The following OR3A2 variants were observed in gnomAD, a reference collection of about 807,000 sequenced individuals.
The protein encoded by OR3A2 is olfactory receptor family 3 subfamily A member 2, also known as olfactory receptor 3A2.
For missense variants in OR3A2, 318 were observed against 392.8 expected, an observed-to-expected ratio of 0.81 and a Z score of 1.61; for synonymous variants, 126 against 159.3, an observed-to-expected ratio of 0.79 and a Z score of 1.57.
At chr17:3,322,981 C>G (rs2049138178) in intron 3 of OR3A2, among the ~76,000 whole-genome samples, 1 of 152,066 alleles carries the variant, frequency 6.6e-6, no homozygotes, top group Non-Finnish European at 1.5e-5. Context: ...GTTAAAGTCT[C>G]CCATTATTAT....
At chr17:3,349,040 A>T (rs981022559) in intron 2 of OR3A2, among the ~76,000 whole-genome samples, 2 of 152,178 alleles carry the variant, frequency 1.3e-5, no homozygotes, top group Non-Finnish European at 1.5e-5. Flanking sequence ...AGTGCTAAAC[A>T]TGGAAAGGAA....
chr17:3,353,371 C>T (rs533139352), intron 2 of OR3A2, among the ~76,000 whole-genome samples: 1 of 151,964 alleles, frequency 6.6e-6, no homozygotes, highest in East Asian at 1.9e-4. Context: ...TCTAACTGTT[C>T]TAGCTAGGAC....
In OR3A2 at chr17:3,278,549, A is replaced by T. The variant is rs762756632; in HGVS notation, c.369T>A (p.Tyr123Ter). 1.2e-6 allele frequency: 2 copies of T among 1,612,908 alleles called. No individual in the cohort carries two copies. Among genetic ancestry groups the T allele is most frequent in the Admixed American group, 3.3e-5 (2 of 59,882 alleles). Residue 123 changes from tyrosine (Y) to a stop codon, truncating the protein, a stop_gained, in exon 2 of 2, where the codon TAT becomes TAA. Transcript: ENST00000642052. LOFTEE classifies it low-confidence loss of function (END_TRUNC). ...GCTGGCAGATGGCCAGGAGTCGGTC[A>T]TAGGCCATGGCGGTCAGCAGGAAGC...
intron 3 of OR3A2, among the ~76,000 whole-genome samples, chr17:3,330,283 C>T (rs1480098962): frequency 6.6e-6 from 1 of 150,944 alleles, no homozygotes; most frequent in East Asian, 1.9e-4. Context: ...CTTTCTGTCT[C>T]GTTGATCTGT....
At chr17:3,376,073 C>T (rs988365082) in intron 2 of OR3A2, among the ~76,000 whole-genome samples, 2 of 152,338 alleles carry the variant, frequency 1.3e-5, no homozygotes, top group East Asian at 1.9e-4. Flanking sequence ...TTCTCAAATG[C>T]TGGTCATGCT....
rs893673623 is a variant in OR3A2, at chr17:3,336,072, T to A, written c.-124A>T. On this transcript the variant is annotated 5_prime_UTR_variant, in exon 3 of 5. It introduces an in-frame stop codon into an upstream open reading frame of the 5' UTR. Transcript: ENST00000573491. ...CACGCAGAGCCCTCCAGTGGAAGTT[T>A]CAGAAACTCTCCTTGCCAACGCTGC... 6.6e-6 allele frequency: 1 copy of A among 152,322 alleles called. No individual in the cohort carries two copies. Among genetic ancestry groups the A allele is most frequent in the African/African-American group, 2.4e-5 (1 of 41,444 alleles). 9.4% of individuals were successfully genotyped at this position (152,322 alleles called of 1,614,324 possible).
At chr17:3,317,265 G>A (rs886199020) in intron 3 of OR3A2, among the ~76,000 whole-genome samples, 4 of 152,184 alleles carry the variant, frequency 2.6e-5, no homozygotes, top group African/African-American at 9.7e-5. Context: ...GCTTTGGAAA[G>A]AGTCTTGAAA....
chr17:3,371,700 A>T (rs1597362780), intron 2 of OR3A2, among the ~76,000 whole-genome samples: 1 of 112,908 alleles, frequency 8.9e-6, no homozygotes, highest in African/African-American at 3.4e-5. Flanking sequence ...GGGGGTGCTG[A>T]CCCCCCCACC....
intron 3 of OR3A2, among the ~76,000 whole-genome samples, chr17:3,295,592 CACTT>C (rs1351473506): frequency 6.6e-6 from 1 of 151,934 alleles, no homozygotes; most frequent in East Asian, 1.9e-4. Context: ...GTACCAAACA[CACTT>C]ACAATGATAA....
chr17:3,374,431 A>C (rs1379788894), intron 2 of OR3A2, among the ~76,000 whole-genome samples: 2 of 152,274 alleles, frequency 1.3e-5, no homozygotes. Flanking sequence ...CAGGAACACC[A>C]ATTATTCTTA....
In OR3A2 at chr17:3,345,301, C is replaced by T. The variant is rs912700229; in HGVS notation, c.-178-9175G>A. Among the ~76,000 whole-genome samples, 3 of 152,070 alleles carry T rather than the reference C, an allele frequency of 2.0e-5. No individual in the cohort carries two copies. In the East Asian group the frequency reaches 5.8e-4, roughly 29 times the overall value. ...AATAATCCGGACACATCTATTGGTC[C>T]ACAAGCCTCACCCTTTCAGAGAACT... is the stretch of plus-strand genomic sequence containing the variant. On this transcript the variant is annotated intron_variant, in intron 2 of 4. Coordinates refer to the OR3A2 transcript ENST00000573491.
intron 2 of OR3A2, among the ~76,000 whole-genome samples, chr17:3,382,043 G>T (rs2049740992): frequency 6.6e-6 from 1 of 152,206 alleles, no homozygotes; most frequent in Non-Finnish European, 1.5e-5. Context: ...GCAGGAGTGA[G>T]GTGTTCGTGT....
intron 2 of OR3A2, among the ~76,000 whole-genome samples, chr17:3,371,040 T>A (rs906624476): frequency 4.6e-5 from 7 of 151,936 alleles, no homozygotes; most frequent in Non-Finnish European, 1.0e-4. Flanking sequence ...ACGGCAACCA[T>A]CCGATTTCTC....
chr17:3,329,990 A>G (rs1765613122), intron 3 of OR3A2, among the ~76,000 whole-genome samples: 1 of 146,482 alleles, frequency 6.8e-6, no homozygotes, highest in Admixed American at 6.8e-5. Flanking sequence ...ATTCAGGAGC[A>G]GGTTGTTCAG....
At chr17:3,381,315 AG>A (rs1321639926) in intron 2 of OR3A2, among the ~76,000 whole-genome samples, 5 of 144,626 alleles carry the variant, frequency 3.5e-5, no homozygotes, top group African/African-American at 8.2e-5. Context: ...CCTCAAACAT[AG>A]GGTTTTTTTT....
upstream of OR3A2, among the ~76,000 whole-genome samples, chr17:3,288,319 A>G (rs804240): frequency 0.69 from 103,191 of 149,484 alleles, 36,187 homozygotes; most frequent in East Asian, 0.99. Flanking sequence ...ACAAATAAAT[A>G]CAGTTATGAG....
chr17:3,282,139 G>A (rs986386331), intron 1 of OR3A2, among the ~76,000 whole-genome samples: 1 of 152,156 alleles, frequency 6.6e-6, no homozygotes, highest in Admixed American at 6.5e-5. Flanking sequence ...TCTCAGCCAG[G>A]TGCAGTGGCT....
At chr17:3,284,252 T>A (rs941203849) in intron 1 of OR3A2, 106 bp downstream of exon 3, 4 of 151,368 alleles carry the variant, frequency 2.6e-5, no homozygotes, top group African/African-American at 9.8e-5. Context: ...CCTAAATGGC[T>A]TTCCCTGTCA....
chr17:3,367,739 CTTCTT>C (rs887525784), intron 2 of OR3A2, among the ~76,000 whole-genome samples: 3 of 151,604 alleles, frequency 2.0e-5, no homozygotes, highest in Non-Finnish European at 4.4e-5. Flanking sequence ...CACATAATGA[CTTCTT>C]TTCCTCTGGG....
Sources: gnomAD v4.1 joint callset for allele counts (sites outside exome capture counted in the v4.1 genomes callset) on GRCh38, gnomAD v4.1.1 for gene constraint, MANE v1.5 for transcripts, NCBI Gene and HGNC (gene_info 2026-07-23, HGNC 2026-07-21) for gene names.